The following UTRN variants were observed in gnomAD, a reference collection of about 807,000 sequenced individuals.
The protein encoded by UTRN is utrophin, also known as dystrophin-related protein 1.
Under a neutral mutation model 463.9 loss-of-function variants are expected in UTRN, and 283 were observed. The observed-to-expected ratio is 0.61, with a 90% CI of 0.55 to 0.67. The LOEUF is 0.67. Ranked by LOEUF, UTRN falls within the 30% of genes least tolerant of loss-of-function variation. UTRN has a pLI of 0.00. For synonymous variants in UTRN, 1,442 were observed against 1,431.5 expected (o/e 1.01, Z -0.17); for missense variants, 3,922 against 4,084.3 (o/e 0.96, Z 1.08).
intron 51 of UTRN, among the ~76,000 whole-genome samples, chr6:144,621,197 T>C (rs960143312): frequency 2.0e-5 from 3 of 152,176 alleles, no homozygotes; most frequent in East Asian, 3.8e-4. Flanking sequence ...ATTTGTAATA[T>C]TCATTTTTAC....
At chr6:144,406,831 G>T (rs1278228799) in intron 3 of UTRN, among the ~76,000 whole-genome samples, 2 of 152,056 alleles carry the variant, frequency 1.3e-5, no homozygotes, top group Admixed American at 1.3e-4. Context: ...GTGATGTTTT[G>T]GTCTTACTTG....
At chr6:144,844,065 G>C (rs910433954) in intron 73 of UTRN, among the ~76,000 whole-genome samples, 1 of 152,088 alleles carries the variant, frequency 6.6e-6, no homozygotes, top group Non-Finnish European at 1.5e-5. Context: ...GCTTCTGAAA[G>C]TTCTGCTATT....
In UTRN at chr6:144,700,270, C is replaced by G. The variant is rs776133624; in HGVS notation, c.7809+27C>G. 15 of 1,581,814 alleles carry G rather than the reference C, an allele frequency of 9.5e-6. No homozygotes were observed. In the East Asian group the frequency reaches 3.4e-4, roughly 36 times the overall value. ...TAAGTGGATAACCTATAGTGAGTCG[C>G]TTAATTCAAATTCTAGTGAGGTAGA... On this transcript the variant is annotated intron_variant, in intron 53 of 74. Transcript: ENST00000367545.
chr6:144,320,131 C>T (rs1022786821), intron 2 of UTRN, among the ~76,000 whole-genome samples: 2 of 152,154 alleles, frequency 1.3e-5, no homozygotes, highest in African/African-American at 4.8e-5. Flanking sequence ...GGATTACAGG[C>T]GTGAGCCACT....
At position 144,793,851 on chromosome 6, in the gene UTRN, G is replaced by A. The variant is rs1400193278; in HGVS notation, c.8938G>A (p.Ala2980Thr). Reference protein sequence around the residue: ...EKYRYLFKEVAGPTEMCDQRQ... With the variant: ...EKYRYLFKEVTGPTEMCDQRQ... ...CTTTGCAGATCTCTTTAAGGAAGTT[G>A]CAGGGCCAACAGAAATGTGTGACCA... Residue 2980 changes from alanine (A) to threonine (T), a missense_variant, in exon 63 of 75, where the codon GCA becomes ACA. Ala to Thr is a moderately conservative substitution (Grantham distance 58). This residue lies in a region of UTRN where 1,309 missense variants were observed against 1,452.6 expected (regional missense o/e 0.90). Coordinates refer to ENST00000367545, the MANE Select transcript of UTRN (RefSeq NM_007124.3). 14 of 1,613,922 alleles carry A rather than the reference G, an allele frequency of 8.7e-6. No individual in the cohort carries two copies. The highest frequency in any genetic ancestry group is 1.1e-5 in the Non-Finnish European group (13 of 1,179,954).
At chr6:144,354,110 A>G (rs1172405422) in intron 2 of UTRN, among the ~76,000 whole-genome samples, 1 of 152,222 alleles carries the variant, frequency 6.6e-6, no homozygotes, top group Admixed American at 6.5e-5. Context: ...GAAGAGCCTT[A>G]GATTCTCATT....
At chr6:144,795,519 C>A (rs1777136111) in intron 63 of UTRN, among the ~76,000 whole-genome samples, 1 of 152,202 alleles carries the variant, frequency 6.6e-6, no homozygotes, top group Non-Finnish European at 1.5e-5. Context: ...TTCTCCACAT[C>A]CTCTCCAGCA....
chr6:144,439,581 C>A (rs1786925616), intron 12 of UTRN, among the ~76,000 whole-genome samples: 13 of 152,122 alleles, frequency 8.5e-5, no homozygotes, highest in Admixed American at 8.5e-4. Flanking sequence ...CACCCTCTGC[C>A]TCCTGGGTTC....
At chr6:144,799,252 A>G (rs959909757) in intron 64 of UTRN, 1 of 339,196 alleles carries the variant, frequency 2.9e-6, no homozygotes, top group African/African-American at 2.2e-5. Context: ...GATGGCTAAC[A>G]TAAGAAATGA....
chr6:144,321,065 A>C (rs1352940738), intron 2 of UTRN, among the ~76,000 whole-genome samples: 1 of 152,212 alleles, frequency 6.6e-6, no homozygotes. Flanking sequence ...ACACAGTTGC[A>C]CACGTTTAGT....
At chr6:144,564,578 G>A (rs2128619098) in intron 50 of UTRN, among the ~76,000 whole-genome samples, 1 of 152,256 alleles carries the variant, frequency 6.6e-6, no homozygotes, top group African/African-American at 2.4e-5. Flanking sequence ...GTTCAGCATG[G>A]CAGGGGAGAC....
intron 3 of UTRN, among the ~76,000 whole-genome samples, chr6:144,420,452 A>G (rs1197594766): frequency 6.6e-6 from 1 of 152,216 alleles, no homozygotes; most frequent in Non-Finnish European, 1.5e-5. Flanking sequence ...CTATGCGGTG[A>G]TCACCCCATT....
At chr6:144,563,641 G>GA (rs1266052922) in intron 50 of UTRN, among the ~76,000 whole-genome samples, 1 of 152,084 alleles carries the variant, frequency 6.6e-6, no homozygotes, top group Non-Finnish European at 1.5e-5. Flanking sequence ...TTCTTTCCCT[G>GA]AAAATCACCT....
intron 50 of UTRN, among the ~76,000 whole-genome samples, chr6:144,562,703 C>T (rs1387041134): frequency 2.0e-5 from 3 of 152,090 alleles, no homozygotes; most frequent in Non-Finnish European, 4.4e-5. Context: ...GATTTATATT[C>T]CTGTGGGTAT....
At chr6:144,529,390 C>T (rs997127456) in intron 41 of UTRN, among the ~76,000 whole-genome samples, 1 of 152,204 alleles carries the variant, frequency 6.6e-6, no homozygotes, top group Non-Finnish European at 1.5e-5. Flanking sequence ...GTTCTTGGAA[C>T]AAAAGTCCAC....
At chr6:144,766,637 G>T (rs923351827) in intron 58 of UTRN, among the ~76,000 whole-genome samples, 1 of 152,026 alleles carries the variant, frequency 6.6e-6, no homozygotes, top group Non-Finnish European at 1.5e-5. Flanking sequence ...CAGTTTGAGT[G>T]CAGGAGAAAA....
intron 46 of UTRN, among the ~76,000 whole-genome samples, chr6:144,546,484 C>T (rs1285011684): frequency 6.6e-6 from 1 of 152,038 alleles, no homozygotes; most frequent in African/African-American, 2.4e-5. Context: ...TATATGTTAA[C>T]AAAAATAGCA....
chr6:144,828,243 G>A (rs1477540076), intron 68 of UTRN, among the ~76,000 whole-genome samples: 1 of 152,164 alleles, frequency 6.6e-6, no homozygotes, highest in Non-Finnish European at 1.5e-5. Context: ...ATTTCTAGGG[G>A]AAAGTCTTGG....
intron 52 of UTRN, among the ~76,000 whole-genome samples, chr6:144,694,129 T>A (rs1263472924): frequency 6.6e-6 from 1 of 152,062 alleles, no homozygotes; most frequent in East Asian, 2.0e-4. Flanking sequence ...AAGCCTTTTC[T>A]GCATGTATTG....
Sources: allele counts gnomAD v4.1 joint callset (sites outside exome capture counted in the v4.1 genomes callset), GRCh38; gene constraint gnomAD v4.1.1; regional missense constraint gnomAD v4.1.1; transcripts MANE v1.5; gene names NCBI Gene and HGNC (gene_info 2026-07-23, HGNC 2026-07-21).